The following COL23A1 variants were observed in gnomAD, a reference collection of about 807,000 sequenced individuals.
COL23A1 encodes the protein collagen type XXIII alpha 1 chain.
Under a neutral mutation model 99.3 loss-of-function variants are expected in COL23A1, and 97 were observed. The observed-to-expected ratio is 0.98, with a 90% CI of 0.83 to 1.16. The LOEUF is 1.16. Ranked by LOEUF, COL23A1 falls within the 50% of genes most tolerant of loss-of-function variation. The probability of loss-of-function intolerance (pLI) is 0.00; values close to 1 mark genes in which losing one functional copy is unlikely to be tolerated. For missense variants in COL23A1, 762 were observed against 757.4 expected, an observed-to-expected ratio of 1.01 and a Z score of -0.07; for synonymous variants, 320 against 308.2, an observed-to-expected ratio of 1.04 and a Z score of -0.40.
chr5:178,308,471 T>C lies in COL23A1; in HGVS notation c.362-1552A>G, dbSNP rs1758486096. On this transcript the variant is annotated intron_variant, in intron 2 of 28. Transcript: ENST00000390654. This position sits in a 1 kb window ranked among gnomAD's most constrained non-coding sequence, Gnocchi z 5.1. Reference sequence around the variant, plus strand: ...CTGGACACAGACCCTGAATTTGGGGTTTATGCTGGAATTGCCAGGGGCTGT... The same window carrying C: ...CTGGACACAGACCCTGAATTTGGGGCTTATGCTGGAATTGCCAGGGGCTGT... Among the ~76,000 whole-genome samples, 1 of 152,120 alleles carries C rather than the reference T, an allele frequency of 6.6e-6. No homozygotes were observed. The highest frequency in any genetic ancestry group is 6.6e-5 in the Admixed American group (1 of 15,266).
At chr5:178,356,410 A>G (rs1250108967) in intron 2 of COL23A1, among the ~76,000 whole-genome samples, 2 of 152,188 alleles carry the variant, frequency 1.3e-5, no homozygotes, top group Non-Finnish European at 2.9e-5. Flanking sequence ...CAGGGGGTAA[A>G]GCATTCCACA....
Position 178,479,541 on chromosome 5 carries a change from G to C in COL23A1, c.361+81141C>G, listed in dbSNP as rs191967019. 2.6e-5 allele frequency among the ~76,000 whole-genome samples: 4 copies of C among 152,314 alleles called. No individual in the cohort carries two copies. In the East Asian group the frequency reaches 7.7e-4, roughly 29 times the overall value. On this transcript the variant is annotated intron_variant, in intron 2 of 28. Coordinates refer to ENST00000390654, the MANE Select transcript of COL23A1 (RefSeq NM_173465.4). Reference sequence around the variant, plus strand: ...GAAGACACATGGCTCCTTCAGACCAGAGTACATGGGACCCGTTCCCAGGAA... The same window carrying C: ...GAAGACACATGGCTCCTTCAGACCACAGTACATGGGACCCGTTCCCAGGAA...
chr5:178,394,138 G>T (rs1581299520), intron 2 of COL23A1, among the ~76,000 whole-genome samples: 1 of 152,334 alleles, frequency 6.6e-6, no homozygotes, highest in East Asian at 1.9e-4. Flanking sequence ...AGCAGAGGCA[G>T]GACAGGCAAG....
chr5:178,512,258 A>G (rs1243443712), intron 2 of COL23A1, among the ~76,000 whole-genome samples: 1 of 152,262 alleles, frequency 6.6e-6, no homozygotes, highest in Non-Finnish European at 1.5e-5. Context: ...AATTGATCAC[A>G]TAAAATATGG....
intron 2 of COL23A1, among the ~76,000 whole-genome samples, chr5:178,518,072 C>T (rs1256991917): frequency 7.8e-6 from 1 of 128,414 alleles, no homozygotes; most frequent in Non-Finnish European, 1.6e-5. Context: ...TCCCTGATTA[C>T]TTGAGATTAG....
intron 5 of COL23A1, among the ~76,000 whole-genome samples, chr5:178,284,097 G>A (rs1464488931): frequency 6.6e-6 from 1 of 152,146 alleles, no homozygotes; most frequent in Non-Finnish European, 1.5e-5. Context: ...CCGTGCCTAG[G>A]GCTCCTCTGA....
At chr5:178,342,010 C>A (rs1207933090) in intron 2 of COL23A1, among the ~76,000 whole-genome samples, 2 of 152,188 alleles carry the variant, frequency 1.3e-5, no homozygotes, top group East Asian at 3.8e-4. Flanking sequence ...CCTGTGAAAC[C>A]CTCATTTACC....
chr5:178,358,875 G>A (rs906566929), intron 2 of COL23A1, among the ~76,000 whole-genome samples: 2 of 152,116 alleles, frequency 1.3e-5, no homozygotes, highest in African/African-American at 4.8e-5. Flanking sequence ...GTTTATAAAG[G>A]TTCCTGTGAA....
chr5:178,316,818 G>A (rs1200822911), intron 2 of COL23A1, among the ~76,000 whole-genome samples: 1 of 151,168 alleles, frequency 6.6e-6, no homozygotes, highest in Non-Finnish European at 1.5e-5. Flanking sequence ...CAAGGTAGTG[G>A]ACTGCAACAT....
chr5:178,451,133 G>A (rs921937061), intron 2 of COL23A1, among the ~76,000 whole-genome samples: 1 of 152,002 alleles, frequency 6.6e-6, no homozygotes, highest in Non-Finnish European at 1.5e-5. Context: ...TGGAAAAGAG[G>A]GAAAACTTTA....
intron 2 of COL23A1, among the ~76,000 whole-genome samples, chr5:178,401,474 T>A (rs1764446643): frequency 6.6e-6 from 1 of 151,678 alleles, no homozygotes; most frequent in South Asian, 2.1e-4. Flanking sequence ...TCCACCCATG[T>A]GGTGTGTGTC....
Position 178,313,192 on chromosome 5 carries a change from C to G in COL23A1, c.362-6273G>C, listed in dbSNP as rs186382048. 3.4e-3 allele frequency among the ~76,000 whole-genome samples: 523 copies of G among 152,154 alleles called. 3 individuals are homozygous for G. The highest frequency in any genetic ancestry group is 0.012 in the African/African-American group (498 of 41,526). Reference sequence around the variant, plus strand: ...TAGGGGGTGCCATCGGTGGGCTGGGCTAGGGGAGGCGAGACTGGGAAGTCG... The same window carrying G: ...TAGGGGGTGCCATCGGTGGGCTGGGGTAGGGGAGGCGAGACTGGGAAGTCG... On this transcript the variant is annotated intron_variant, in intron 2 of 28. Transcript: ENST00000390654. This position sits in a 1 kb window ranked among gnomAD's most constrained non-coding sequence, Gnocchi z 4.2.
At chr5:178,327,256 T>C (rs1486726940) in intron 2 of COL23A1, among the ~76,000 whole-genome samples, 1 of 152,184 alleles carries the variant, frequency 6.6e-6, no homozygotes, top group Non-Finnish European at 1.5e-5. Context: ...CACAATAATC[T>C]GGGAGATAAG....
At chr5:178,385,358 C>T (rs556736686) in intron 2 of COL23A1, among the ~76,000 whole-genome samples, 1 of 152,224 alleles carries the variant, frequency 6.6e-6, no homozygotes, top group Non-Finnish European at 1.5e-5. Context: ...TCAAACACCA[C>T]CCCCACAGGC....
At chr5:178,371,142 G>A (rs1762780273) in intron 2 of COL23A1, among the ~76,000 whole-genome samples, 1 of 152,182 alleles carries the variant, frequency 6.6e-6, no homozygotes, top group Admixed American at 6.5e-5. Flanking sequence ...ACACCATATA[G>A]ACAATGTTTG....
At position 178,358,286 on chromosome 5, in the gene COL23A1, G is replaced by A. The variant is rs573648411; in HGVS notation, c.362-51367C>T. On this transcript the variant is annotated intron_variant, in intron 2 of 28. Coordinates refer to ENST00000390654, the MANE Select transcript of COL23A1 (RefSeq NM_173465.4). The stretch of plus-strand genomic sequence containing the variant: ...TATGTGTGTATATGTGTGTATGCGT[G>A]TGCGTATATGTATGTATGTATGTGT... Among the ~76,000 whole-genome samples, 105 of 131,322 alleles carry A rather than the reference G, an allele frequency of 8.0e-4. 1 individual carries two copies. The highest frequency in any genetic ancestry group is 3.2e-3 in the African/African-American group (103 of 31,800). The allele number at this position is 131,322 out of a possible 152,430, so 86.2% of individuals were successfully genotyped here.
intron 2 of COL23A1, among the ~76,000 whole-genome samples, chr5:178,321,532 C>T (rs1475849363): frequency 6.8e-6 from 1 of 146,560 alleles, no homozygotes; most frequent in Admixed American, 6.9e-5. Context: ...CTCTGTTGCC[C>T]AGGCTGGAGT....
At chr5:178,521,097 T>C (rs1489500622) in intron 2 of COL23A1, among the ~76,000 whole-genome samples, 1 of 152,190 alleles carries the variant, frequency 6.6e-6, no homozygotes, top group African/African-American at 2.4e-5. Context: ...CTGAATACCA[T>C]AGATGATTGC....
intron 2 of COL23A1, among the ~76,000 whole-genome samples, chr5:178,533,918 C>T (rs1401439779): frequency 6.6e-6 from 1 of 152,176 alleles, no homozygotes; most frequent in East Asian, 1.9e-4. Context: ...TCAGTGGACA[C>T]CCAGTGTGAA....
Sources: allele counts gnomAD v4.1 joint callset (sites outside exome capture counted in the v4.1 genomes callset), GRCh38; gene constraint gnomAD v4.1.1; non-coding constraint Gnocchi (gnomAD v3.1); transcripts MANE v1.5; gene names NCBI Gene and HGNC (gene_info 2026-07-23, HGNC 2026-07-21).